LENG8: variants seen among roughly 807,000 people sequenced by gnomAD.
LENG8 encodes leukocyte receptor cluster member 8, also known as leukocyte receptor cluster (LRC) member 8.
A neutral mutation model predicts 102.1 loss-of-function variants in LENG8; 28 were observed. The observed-to-expected ratio is 0.27, with a 90% CI of 0.20 to 0.38. The LOEUF (loss-of-function observed/expected upper bound fraction) is 0.38. LENG8 is among the 10% of genes least tolerant of loss of function. LENG8 has a pLI of 1.00. For synonymous variants in LENG8, 531 were observed against 456.7 expected (o/e 1.16, Z -2.07); for missense variants, 1,022 against 1,113.9 (o/e 0.92, Z 1.17).
In LENG8 at chr19:54,456,344, G is replaced by A. The variant is rs781136370; in HGVS notation, c.1324G>A (p.Asp442Asn). 1.4e-5 allele frequency: 22 copies of A among 1,613,676 alleles called. No homozygotes were observed. The highest frequency in any genetic ancestry group is 2.2e-5 in the East Asian group (1 of 44,878). Residue 442 changes from aspartate to asparagine, a missense_variant, in exon 10 of 16, where the codon GAC becomes AAC. Around this residue, in one of 7 missense-constraint regions of LENG8, gnomAD observed 326 missense variants for 324.5 expected, o/e 1.00. Transcript: ENST00000326764. Reference protein sequence around the residue: ...FRRSDSHSDSDSSYSGNECHP... With the variant: ...FRRSDSHSDSNSSYSGNECHP... ...CTGCAGTGACTCCCACTCAGACTCC[G>A]ACAGCTCCTACTCAGGGAATGAGTG...
rs1370551068 is a variant in LENG8, at chr19:54,449,296, G to GAAGGATCCTGGTTGGT, written c.-65_-56+6dup. The GAAGGATCCTGGTTGGT allele has an allele frequency of 2.0e-5, 3 of 152,506 alleles. No homozygotes were observed. The highest frequency in any genetic ancestry group is 4.4e-5 in the Non-Finnish European group (3 of 68,248). The allele number at this position is 152,506 out of a possible 1,614,324, so 9.4% of individuals were successfully genotyped here. A position where few individuals can be genotyped will look rare whatever the true frequency, so the allele number is the denominator to read the frequency against. On this transcript the variant is annotated 5_prime_UTR_variant, in exon 1 of 16. Coordinates refer to ENST00000326764, the MANE Select transcript of LENG8 (RefSeq NM_052925.4). Reference sequence around the variant, plus strand: ...GTGGTTGTTGGCGTGTCCCTGCAGCGAAGGATCCTGGTTGGTAAGGGGAGC... The same window carrying GAAGGATCCTGGTTGGT: ...GTGGTTGTTGGCGTGTCCCTGCAGCGAAGGATCCTGGTTGGTAAGGATCCTGGTTGGTAAGGGGAGC...
chr19:54,451,479 G>GTGGCATCACCTCCCCTA, intron 2 of LENG8, 97 bp downstream of exon 2: 1 of 1,232,054 alleles, frequency 8.1e-7, no homozygotes, highest in Non-Finnish European at 1.2e-6. Flanking sequence ...GGCCTTAGGG[G>GTGGCATCACCTCCCCTA]AGGTGATGCC....
At position 54,459,247 on chromosome 19, in the gene LENG8, G is replaced by C; in HGVS notation, c.2240+726G>C. Reference sequence around the variant, plus strand: ...CTAGTGAGTGGAGGCCAGGGATGCTGCCCTGCCACTGCCATTGGGCCTCAG... The same window carrying C: ...CTAGTGAGTGGAGGCCAGGGATGCTCCCCTGCCACTGCCATTGGGCCTCAG... On this transcript the variant is annotated intron_variant, in intron 15 of 15. Coordinates refer to ENST00000326764, the MANE Select transcript of LENG8 (RefSeq NM_052925.4). 8.6e-6 allele frequency: 9 copies of C among 1,047,480 alleles called. No homozygotes were observed. The South Asian group carries it at 2.0e-4, about 23-fold the overall frequency. 64.9% of individuals were successfully genotyped at this position (1,047,480 alleles called of 1,614,324 possible). A position where few individuals can be genotyped will look rare whatever the true frequency, so the allele number is the denominator to read the frequency against.
chr19:54,458,541 C>T lies in LENG8; in HGVS notation c.2240+20C>T, dbSNP rs2084368654. 1.9e-6 allele frequency: 3 copies of T among 1,613,984 alleles called. No individual in the cohort carries two copies. The highest frequency in any genetic ancestry group is 2.5e-6 in the Non-Finnish European group (3 of 1,179,872). On this transcript the variant is annotated intron_variant, in intron 15 of 15. Transcript: ENST00000326764. Reference sequence around the variant, plus strand: ...CAAAACGTATGTGGTGCCAAGCTCCCTTCTGCCTTTGCTCTTCCCATCCTT... The same window carrying T: ...CAAAACGTATGTGGTGCCAAGCTCCTTTCTGCCTTTGCTCTTCCCATCCTT...
At position 54,451,304 on chromosome 19, in the gene LENG8, G is replaced by C; in HGVS notation, c.-41G>C. The stretch of plus-strand genomic sequence containing the variant: ...TTTTCTCATAGACAGTGAAAAAGCA[G>C]TCTGGCTCCCGAGGTCCACCCCTTA... On this transcript the variant is annotated 5_prime_UTR_variant, in exon 2 of 16. Coordinates refer to ENST00000326764, the MANE Select transcript of LENG8 (RefSeq NM_052925.4). 7 of 1,611,850 alleles carry C rather than the reference G, an allele frequency of 4.3e-6. No homozygotes were observed. The highest frequency in any genetic ancestry group is 5.9e-6 in the Non-Finnish European group (7 of 1,177,914).
At chr19:54,460,263 G>A in intron 15 of LENG8, 2 of 1,278,394 alleles carry the variant, frequency 1.6e-6, no homozygotes, top group Non-Finnish European at 2.0e-6. Context: ...GCTCGTGCTA[G>A]ATGCTCAGTC....
chr19:54,457,203 C>T (rs959650996), intron 11 of LENG8, among the ~76,000 whole-genome samples: 1 of 152,242 alleles, frequency 6.6e-6, no homozygotes, highest in South Asian at 2.1e-4. Context: ...TTCTCCCAGG[C>T]CCGTGGGCTG....
chr19:54,453,075 G>A (rs929479312), intron 4 of LENG8, among the ~76,000 whole-genome samples: 2 of 152,142 alleles, frequency 1.3e-5, no homozygotes, highest in African/African-American at 4.8e-5. Context: ...CTGTGTTGCC[G>A]CCTCTTGGAG....
intron 15 of LENG8, chr19:54,458,997 G>A: frequency 6.9e-7 from 1 of 1,447,838 alleles, no homozygotes. Flanking sequence ...GGAGACACCT[G>A]TGTTGAGGCC....
At position 54,454,413 on chromosome 19, in the gene LENG8, C is replaced by T. The variant is rs1277900664; in HGVS notation, c.427-17C>T. The T allele has an allele frequency of 4.4e-6, 7 of 1,588,252 alleles. No individual in the cohort carries two copies. Among genetic ancestry groups the T allele is most frequent in the East Asian group, 2.2e-5 (1 of 44,574 alleles). ...CAGAATCTGCCTCCCGTGCTCAGCG[C>T]CTGCTTCCTTCTGCAGCCCCCAGTC... On this transcript the variant is annotated splice_polypyrimidine_tract_variant and intron_variant, in intron 5 of 15. Coordinates refer to ENST00000326764, the MANE Select transcript of LENG8 (RefSeq NM_052925.4).
intron 1 of LENG8, among the ~76,000 whole-genome samples, chr19:54,450,103 A>C (rs186271489): frequency 6.6e-6 from 1 of 151,922 alleles, no homozygotes; most frequent in Non-Finnish European, 1.5e-5. Context: ...TTTTCTTCCA[A>C]TTCTCTCTGT....
At chr19:54,459,441 T>C (rs1182597278) in intron 15 of LENG8, 12 of 988,974 alleles carry the variant, frequency 1.2e-5, no homozygotes, top group Non-Finnish European at 1.3e-5. Flanking sequence ...GGTCACAGCA[T>C]GGGGGCCTTG....
chr19:54,454,350 C>T (rs894731671), intron 5 of LENG8, 80 bp from the exon 6 acceptor site: 106 of 1,412,332 alleles, frequency 7.5e-5, no homozygotes, highest in Non-Finnish European at 6.0e-5. Context: ...GTGACCACTG[C>T]GTCCTCACAG....
At chr19:54,449,911 C>T (rs2083876424) in intron 1 of LENG8, among the ~76,000 whole-genome samples, 1 of 152,212 alleles carries the variant, frequency 6.6e-6, no homozygotes, top group Admixed American at 6.5e-5. Flanking sequence ...TCCACCCACG[C>T]CCTGTGTCCT....
At chr19:54,455,144 C>CT in intron 7 of LENG8, 52 bp downstream of exon 7, 6 of 1,610,076 alleles carry the variant, frequency 3.7e-6, no homozygotes, top group Non-Finnish European at 4.2e-6. Flanking sequence ...CACTCAGCGT[C>CT]TATGGTCCAG....
rs1188832811 is a variant in LENG8 at position 54,460,315 on chromosome 19, T to C, written c.2241-451T>C. The C allele has an allele frequency of 6.5e-6, 8 of 1,235,434 alleles. No homozygotes were observed. In the African/African-American group the frequency reaches 1.2e-4, roughly 19 times the overall value. 76.5% of individuals were successfully genotyped at this position (1,235,434 alleles called of 1,614,324 possible). A position where few individuals can be genotyped will look rare whatever the true frequency, so the allele number is the denominator to read the frequency against. On this transcript the variant is annotated intron_variant, in intron 15 of 15. Transcript: ENST00000326764. ...AGCAGCCGGAAGTGACTGCTTTCAG[T>C]GTGTAGTGGTGAGTGCTAGCTGGCA...
intron 15 of LENG8, 29 bp from the exon 16 acceptor site, chr19:54,460,737 C>T: frequency 2.1e-6 from 3 of 1,454,634 alleles, no homozygotes; most frequent in Non-Finnish European, 2.7e-6. Context: ...GCCCGCCCGC[C>T]TCATCACCTT....
At position 54,457,743 on chromosome 19, in the gene LENG8, T is replaced by A. The variant is rs367995924; in HGVS notation, c.1732-4T>A. On this transcript the variant is annotated splice_polypyrimidine_tract_variant and splice_region_variant and intron_variant, in intron 11 of 15. Transcript: ENST00000326764. ...CCGAGTGTGAATTCAGTTCCCTTTTTCAGGTTTTGAAAAAGTCGCTGTGCA... is the reference window on the plus strand; with the variant it reads ...CCGAGTGTGAATTCAGTTCCCTTTTACAGGTTTTGAAAAAGTCGCTGTGCA... The A allele has an allele frequency of 6.2e-7, 1 of 1,610,194 alleles. No homozygotes were observed. The highest frequency in any genetic ancestry group is 8.5e-7 in the Non-Finnish European group (1 of 1,176,432).
At position 54,451,381 on chromosome 19, in the gene LENG8, T is replaced by C; in HGVS notation, c.37T>C (p.Trp13Arg). ...CGTGGGTGATCAACGTAGCACAGAT[T>C]GGTTAGTGAGGCGAGAGGGATGGAG... ...ANVGDQRSTDWSSQYSMVAGA... is the reference protein window; with the variant it reads ...ANVGDQRSTDRSSQYSMVAGA... Residue 13 changes from tryptophan (W) to arginine (R), a missense_variant and splice_region_variant, in exon 2 of 16, where the codon TGG (tryptophan) becomes CGG (arginine). By Grantham distance (101) the Trp-to-Arg change is moderately radical (BLOSUM62 -3). Transcript: ENST00000326764. 6.2e-7 allele frequency: 1 copy of C among 1,614,012 alleles called. No homozygotes were observed. Among genetic ancestry groups the C allele is most frequent in the Non-Finnish European group, 8.5e-7 (1 of 1,179,982 alleles).
Sources: gnomAD v4.1 joint callset for allele counts (sites outside exome capture counted in the v4.1 genomes callset) on GRCh38, gnomAD v4.1.1 for gene constraint, gnomAD v4.1.1 regional missense constraint, MANE v1.5 for transcripts, NCBI Gene and HGNC (gene_info 2026-07-23, HGNC 2026-07-21) for gene names.